GSE1: variants seen among roughly 807,000 people sequenced by gnomAD.
GSE1 encodes Gse1 coiled-coil protein.
In GSE1, 32 loss-of-function variants were observed where a neutral mutation model predicts 112.6. The ratio of observed to expected loss-of-function variants is 0.28; its 90% CI spans 0.21 to 0.38. The LOEUF (loss-of-function observed/expected upper bound fraction) is 0.38, where lower values mean the gene tolerates loss of function less well. Ranked by LOEUF, GSE1 falls within the 10% of genes least tolerant of loss-of-function variation. GSE1 has a pLI of 1.00. For synonymous variants in GSE1, 1,115 were observed against 735.6 expected (o/e 1.52, Z -8.35); for missense variants, 2,348 against 1,699.2 (o/e 1.38, Z -6.71).
intron 1 of GSE1, among the ~76,000 whole-genome samples, chr16:85,204,188 T>C (rs2075077311): frequency 6.6e-6 from 1 of 152,258 alleles, no homozygotes; most frequent in Admixed American, 6.5e-5. Context: ...CAGATTTTTC[T>C]ATTCTGGATA....
chr16:85,194,279 C>T (rs969606076), intron 1 of GSE1, among the ~76,000 whole-genome samples: 1 of 152,156 alleles, frequency 6.6e-6, no homozygotes, highest in Non-Finnish European at 1.5e-5. Flanking sequence ...AAATCCTAGT[C>T]CTGGGATGCT....
intron 1 of GSE1, among the ~76,000 whole-genome samples, chr16:85,265,553 G>T (rs1303083680): frequency 1.3e-5 from 2 of 152,078 alleles, no homozygotes; most frequent in Non-Finnish European, 2.9e-5. Context: ...TTTGTCCCCT[G>T]GTCAAACTCC....
chr16:85,398,300 A>G (rs77378415), intron 2 of GSE1, among the ~76,000 whole-genome samples: 6,743 of 152,256 alleles, frequency 0.044, 386 homozygotes, highest in Admixed American at 0.15. Flanking sequence ...TGCAGTGGCA[A>G]AACCTGGGAC....
chr16:85,271,761 G>T (rs536699537), intron 1 of GSE1, among the ~76,000 whole-genome samples: 9 of 152,212 alleles, frequency 5.9e-5, no homozygotes, highest in African/African-American at 2.2e-4. Flanking sequence ...CAGAGGGGAA[G>T]TGGGGAGAGC....
chr16:85,368,105 C>T (rs988664085), intron 2 of GSE1, among the ~76,000 whole-genome samples: 1 of 152,170 alleles, frequency 6.6e-6, no homozygotes, highest in African/African-American at 2.4e-5. Context: ...CCACCCGCCT[C>T]AGCCTCCCAA....
chr16:85,396,140 C>A (rs895076531), intron 2 of GSE1, among the ~76,000 whole-genome samples: 3 of 152,322 alleles, frequency 2.0e-5, no homozygotes, highest in Admixed American at 6.5e-5. Context: ...TCACTGGGAC[C>A]CCATGAGCAG....
At chr16:85,495,662 T>A (rs956154171) in intron 2 of GSE1, among the ~76,000 whole-genome samples, 4 of 151,958 alleles carry the variant, frequency 2.6e-5, no homozygotes, top group African/African-American at 9.7e-5. Context: ...AGCTAATTTT[T>A]TAAAAAAAAT....
chr16:85,486,935 A>G (rs1310274280), intron 2 of GSE1, among the ~76,000 whole-genome samples: 1 of 152,082 alleles, frequency 6.6e-6, no homozygotes, highest in Non-Finnish European at 1.5e-5. Flanking sequence ...TTTTTTACTG[A>G]TGAGTGGTCA....
intron 1 of GSE1, among the ~76,000 whole-genome samples, chr16:85,202,706 G>T (rs1295877502): frequency 6.6e-6 from 1 of 152,240 alleles, no homozygotes; most frequent in Non-Finnish European, 1.5e-5. Context: ...GCCCTGGGGG[G>T]CCTCTGGCCG....
intron 1 of GSE1, among the ~76,000 whole-genome samples, chr16:85,247,832 C>A (rs1002060797): frequency 1.3e-5 from 2 of 152,230 alleles, no homozygotes; most frequent in African/African-American, 2.4e-5. Context: ...AGTGGGGACA[C>A]CTGAGCCCCG....
intron 2 of GSE1, among the ~76,000 whole-genome samples, chr16:85,463,673 C>T (rs1380344304): frequency 6.6e-6 from 1 of 152,224 alleles, no homozygotes; most frequent in Non-Finnish European, 1.5e-5. Flanking sequence ...CTCCCTGGCC[C>T]CATCAGCTCT....
At chr16:85,383,549 C>A (rs1474071583) in intron 2 of GSE1, among the ~76,000 whole-genome samples, 1 of 54,158 alleles carries the variant, frequency 1.8e-5, no homozygotes, top group Non-Finnish European at 5.2e-5. Flanking sequence ...CTCTCTCTCT[C>A]TCTCTCTCTC....
At chr16:85,350,427 C>T (rs2046829634) in intron 1 of GSE1, among the ~76,000 whole-genome samples, 1 of 152,098 alleles carries the variant, frequency 6.6e-6, no homozygotes, top group South Asian at 2.1e-4. Context: ...GCATCCTGCC[C>T]CTGTGACTTC....
At chr16:85,620,818 T>A (rs183743256) in intron 1 of GSE1, among the ~76,000 whole-genome samples, 2 of 151,786 alleles carry the variant, frequency 1.3e-5, no homozygotes, top group East Asian at 3.9e-4. Flanking sequence ...GGGTCTCTGC[T>A]GTGTTGGGGA....
At chr16:85,295,961 G>A (rs934037674) in intron 1 of GSE1, among the ~76,000 whole-genome samples, 6 of 152,118 alleles carry the variant, frequency 3.9e-5, no homozygotes, top group Admixed American at 2.0e-4. Flanking sequence ...AAGGAAGGGC[G>A]ACCGTCACTG....
intron 1 of GSE1, among the ~76,000 whole-genome samples, chr16:85,271,094 G>GCCAGAAGTA (rs1908784390): frequency 2.6e-5 from 4 of 152,202 alleles, no homozygotes; most frequent in Admixed American, 2.6e-4. Flanking sequence ...CCTCAGGGAG[G>GCCAGAAGTA]CCAGAAGTAC....
Position 85,634,139 on chromosome 16 carries a change from G to T in GSE1, c.226+7G>T. ...CAGGCGGAGGAGCCCAGAGGTAAGG[G>T]GGCCCGCCAGGCTGCGCGTGGGGGG... On this transcript the variant is annotated splice_region_variant and intron_variant, in intron 2 of 15. Coordinates refer to ENST00000253458, the MANE Select transcript of GSE1 (RefSeq NM_014615.5). 6.9e-7 allele frequency: 1 copy of T among 1,456,108 alleles called. No homozygotes were observed. The highest frequency in any genetic ancestry group is 9.0e-7 in the Non-Finnish European group (1 of 1,111,832). The allele number at this position is 1,456,108 out of a possible 1,614,324, so 90.2% of individuals were successfully genotyped here.
At chr16:85,275,811 TG>T (rs991123735) in intron 1 of GSE1, among the ~76,000 whole-genome samples, 2 of 152,144 alleles carry the variant, frequency 1.3e-5, no homozygotes, top group African/African-American at 4.8e-5. Context: ...GCCCTCGGCC[TG>T]GGAAGGGAAG....
intron 2 of GSE1, among the ~76,000 whole-genome samples, chr16:85,469,456 G>C (rs990595546): frequency 6.6e-6 from 1 of 152,166 alleles, no homozygotes. Context: ...TTGTGGGAGC[G>C]GGGTTGGACA....
Sources: allele counts gnomAD v4.1 joint callset (sites outside exome capture counted in the v4.1 genomes callset), GRCh38; gene constraint gnomAD v4.1.1; transcripts MANE v1.5; gene names NCBI Gene and HGNC (gene_info 2026-07-23, HGNC 2026-07-21).